The following ASH2L variants were observed in gnomAD, a reference collection of about 807,000 sequenced individuals.
ASH2L encodes ASH2 like, histone lysine methyltransferase complex subunit, also known as set1/Ash2 histone methyltransferase complex subunit ASH2.
ASH2L carries 30 observed loss-of-function variants against 81.1 expected under a neutral mutation model. The ratio of observed to expected loss-of-function variants is 0.37; its 90% CI spans 0.28 to 0.50. ASH2L has a LOEUF of 0.50. Among genes scored for constraint, ASH2L ranks in the 20% least tolerant of loss-of-function variants. The pLI, the probability that ASH2L is intolerant of heterozygous loss-of-function variation, is 0.95. For missense variants in ASH2L, 559 were observed against 792.1 expected (o/e 0.71, Z 3.53); for synonymous variants, 273 against 279.9 (o/e 0.98, Z 0.24).
chr8:38,124,210 T>C, intron 10 of ASH2L: 1 of 152,250 alleles, frequency 6.6e-6, no homozygotes, highest in Non-Finnish European at 1.5e-5. Context: ...AATTATTTTA[T>C]TTTATTTTTT....
intron 3 of ASH2L, 129 bp downstream of exon 3, chr8:38,107,295 G>A: frequency 8.4e-7 from 1 of 1,191,242 alleles, no homozygotes; most frequent in Non-Finnish European, 1.2e-6. Flanking sequence ...TCAGCAAGTA[G>A]GATGTTGAAT....
chr8:38,112,426 CT>C (rs908798015), intron 5 of ASH2L, among the ~76,000 whole-genome samples: 11 of 149,450 alleles, frequency 7.4e-5, no homozygotes, highest in South Asian at 4.2e-4. Flanking sequence ...TCAGGTTAAA[CT>C]TTTTTTTTTC....
At position 38,107,176 on chromosome 8, in the gene ASH2L, T is replaced by C. The variant is rs774256468; in HGVS notation, c.401+10T>C. ...TTGGCATAGATACCTCGTGAGTACT[T>C]TTCATAGTTTTTGTGAGAATTGCTC... On this transcript the variant is annotated intron_variant, in intron 3 of 15. Coordinates refer to ENST00000343823, the MANE Select transcript of ASH2L (RefSeq NM_004674.5). 1 of 1,612,390 alleles carries C rather than the reference T, an allele frequency of 6.2e-7. No homozygotes were observed. The highest frequency in any genetic ancestry group is 8.5e-7 in the Non-Finnish European group (1 of 1,178,488).
At chr8:38,128,221 GT>G in intron 10 of ASH2L, 69 bp from the exon 11 acceptor site, 1 of 1,571,998 alleles carries the variant, frequency 6.4e-7, no homozygotes, top group African/African-American at 1.4e-5. Context: ...TTGGACTAAT[GT>G]TTTTGTGGCA....
chr8:38,110,486 G>T lies in ASH2L; in HGVS notation c.490+19G>T. 6.3e-7 allele frequency: 1 copy of T among 1,597,414 alleles called. No homozygotes were observed. Among genetic ancestry groups the T allele is most frequent in the Non-Finnish European group, 8.6e-7 (1 of 1,165,034 alleles). On this transcript the variant is annotated intron_variant, in intron 4 of 15. Transcript: ENST00000343823. Reference sequence around the variant, plus strand: ...CAAGCAAGTAAGAACAAACTCTGGAGTATTTGAAGATGATTATCCACTGGA... The same window carrying T: ...CAAGCAAGTAAGAACAAACTCTGGATTATTTGAAGATGATTATCCACTGGA...
chr8:38,106,178 C>T (rs983113646), intron 1 of ASH2L, 200 bp from the exon 2 acceptor site: 23 of 1,520,572 alleles, frequency 1.5e-5, no homozygotes, highest in Admixed American at 7.9e-5. Flanking sequence ...CTTCCCTGTG[C>T]TCCGTGGGTC....
intron 6 of ASH2L, among the ~76,000 whole-genome samples, chr8:38,114,558 G>C (rs1810816447): frequency 6.6e-6 from 1 of 151,936 alleles, no homozygotes; most frequent in Non-Finnish European, 1.5e-5. Flanking sequence ...ATTTTGTATT[G>C]AAATTAGAGA....
intron 8 of ASH2L, chr8:38,119,026 C>A: frequency 2.7e-6 from 1 of 375,952 alleles, no homozygotes; most frequent in Admixed American, 5.2e-5. Flanking sequence ...AGGTTGAAAA[C>A]TGTAACCCAA....
chr8:38,116,584 G>GT, intron 7 of ASH2L, 66 bp from the exon 8 acceptor site: 1 of 1,264,516 alleles, frequency 7.9e-7, no homozygotes. Flanking sequence ...AATTTCTCTT[G>GT]TTTTATGAGC....
chr8:38,126,929 A>G (rs1801872526), intron 10 of ASH2L, among the ~76,000 whole-genome samples: 1 of 151,932 alleles, frequency 6.6e-6, no homozygotes. Context: ...TAATCCCAGA[A>G]CTTTGGGAGG....
intron 13 of ASH2L, among the ~76,000 whole-genome samples, chr8:38,135,290 A>G (rs539964987): frequency 6.6e-6 from 1 of 152,216 alleles, no homozygotes; most frequent in Non-Finnish European, 1.5e-5. Context: ...CTATAAAAAA[A>G]TTTTAAAAAT....
chr8:38,117,048 CT>C (rs1810934097), intron 8 of ASH2L, among the ~76,000 whole-genome samples: 1 of 152,198 alleles, frequency 6.6e-6, no homozygotes, highest in South Asian at 2.1e-4. Flanking sequence ...CCTCTCCACT[CT>C]TTTTCTGCAA....
chr8:38,127,765 A>G (rs147221744), intron 10 of ASH2L, among the ~76,000 whole-genome samples: 6,609 of 148,812 alleles, frequency 0.044, 449 homozygotes, highest in African/African-American at 0.14. Flanking sequence ...AAAAAAAGAT[A>G]AGCCAGGTGC....
chr8:38,108,081 T>G (rs2130469874), intron 3 of ASH2L, among the ~76,000 whole-genome samples: 1 of 152,298 alleles, frequency 6.6e-6, no homozygotes, highest in African/African-American at 2.4e-5. Context: ...ATTACTGGCA[T>G]GAGCCACCAC....
At chr8:38,136,136 G>A (rs1802247369) in intron 14 of ASH2L, among the ~76,000 whole-genome samples, 1 of 115,838 alleles carries the variant, frequency 8.6e-6, no homozygotes, top group African/African-American at 3.5e-5. Context: ...TTTTGAGACA[G>A]TGTCTCACTC....
chr8:38,116,610 C>A, intron 7 of ASH2L, 40 bp from the exon 8 acceptor site: 1 of 1,496,000 alleles, frequency 6.7e-7, no homozygotes, highest in Non-Finnish European at 9.2e-7. Context: ...GATTGACTGA[C>A]TTACGTAGAC....
At chr8:38,129,005 G>A in intron 12 of ASH2L, 54 bp downstream of exon 12, 1 of 1,574,392 alleles carries the variant, frequency 6.4e-7, no homozygotes, top group South Asian at 1.2e-5. Context: ...GTGGCAGCCA[G>A]TGCTTATCAC....
At chr8:38,136,125 T>G (rs1262466138) in intron 14 of ASH2L, among the ~76,000 whole-genome samples, 1 of 148,044 alleles carries the variant, frequency 6.8e-6, no homozygotes, top group African/African-American at 2.5e-5. Flanking sequence ...TTTTTTTTTT[T>G]TTTTGAGACA....
chr8:38,130,456 A>C (rs556100376), intron 12 of ASH2L, among the ~76,000 whole-genome samples: 47 of 151,216 alleles, frequency 3.1e-4, no homozygotes, highest in African/African-American at 1.0e-3. Flanking sequence ...TGATTTATCA[A>C]ATTTTTCTTT....
Sources: gnomAD v4.1 joint callset for allele counts (sites outside exome capture counted in the v4.1 genomes callset) on GRCh38, gnomAD v4.1.1 for gene constraint, MANE v1.5 for transcripts, NCBI Gene and HGNC (gene_info 2026-07-23, HGNC 2026-07-21) for gene names.